Variants in WDR41 observed in about 807,000 individuals in gnomAD.
The protein encoded by WDR41 is WD repeat domain 41, also known as WD repeat-containing protein 41.
A neutral mutation model predicts 69.3 loss-of-function variants in WDR41; 63 were observed. That is an observed-to-expected ratio of 0.91 (90% CI 0.74 to 1.12). WDR41 has a LOEUF of 1.12. Among genes scored for constraint, WDR41 ranks in the 50% most tolerant of loss-of-function variants. The pLI, the probability that WDR41 is intolerant of heterozygous loss-of-function variation, is 0.00. For missense variants in WDR41, 543 were observed against 534.5 expected, an observed-to-expected ratio of 1.02 and a Z score of -0.16; for synonymous variants, 185 against 192.1, an observed-to-expected ratio of 0.96 and a Z score of 0.31.
intron 1 of WDR41, among the ~76,000 whole-genome samples, chr5:77,533,245 T>C (rs547154328): frequency 6.6e-6 from 1 of 152,294 alleles, no homozygotes; most frequent in South Asian, 2.1e-4. Context: ...TTTGCAACAT[T>C]TGTTTATTTA....
At chr5:77,609,830 AAGAAGG>A (rs1331723268) in intron 1 of WDR41, among the ~76,000 whole-genome samples, 1 of 152,262 alleles carries the variant, frequency 6.6e-6, no homozygotes, top group Admixed American at 6.5e-5. Flanking sequence ...GAGTTGAGAG[AAGAAGG>A]CTTCAGACAA....
At chr5:77,617,795 A>G (rs1048556818) in intron 1 of WDR41, among the ~76,000 whole-genome samples, 3 of 152,182 alleles carry the variant, frequency 2.0e-5, no homozygotes, top group African/African-American at 7.2e-5. Flanking sequence ...TTTTAGAAAA[A>G]ATAAACAAAG....
At chr5:77,596,827 G>A (rs1744236005) in intron 1 of WDR41, among the ~76,000 whole-genome samples, 1 of 152,072 alleles carries the variant, frequency 6.6e-6, no homozygotes, top group Admixed American at 6.6e-5. Context: ...TTATGAAAAT[G>A]GTTTTAGCCA....
rs144057313 is a variant in WDR41 at position 77,503,190 on chromosome 5, CAAAAAAAA to C, written c.43-13626_43-13619del. ...GAAGATCTACCAAGCAAATGGAAAG[CAAAAAAAA>C]AAAAAAAAAAAAGCAGGAGTTGCCA... On this transcript the variant is annotated intron_variant, in intron 1 of 5. Transcript: ENST00000509971. Among the ~76,000 whole-genome samples, 5 of 74,326 alleles carry C rather than the reference CAAAAAAAA, an allele frequency of 6.7e-5. No homozygotes were observed. In the South Asian group the frequency reaches 2.9e-3, roughly 43 times the overall value. The allele number at this position is 74,326 out of a possible 152,430, so 48.8% of individuals were successfully genotyped here. A position where few individuals can be genotyped will look rare whatever the true frequency, so the allele number is the denominator to read the frequency against.
At chr5:77,513,294 T>C (rs1802237557) in intron 1 of WDR41, among the ~76,000 whole-genome samples, 1 of 152,198 alleles carries the variant, frequency 6.6e-6, no homozygotes, top group African/African-American at 2.4e-5. Context: ...CACCTGCCAA[T>C]GAAACTTGAA....
intron 1 of WDR41, among the ~76,000 whole-genome samples, chr5:77,516,735 C>T (rs1308635161): frequency 6.6e-6 from 1 of 152,118 alleles, no homozygotes; most frequent in Admixed American, 6.6e-5. Context: ...AGAATGTTTT[C>T]CAGCTGGGTG....
At chr5:77,536,602 T>C (rs1487413382) in intron 1 of WDR41, among the ~76,000 whole-genome samples, 2 of 152,178 alleles carry the variant, frequency 1.3e-5, no homozygotes, top group Non-Finnish European at 2.9e-5. Context: ...ACCACATATA[T>C]GATGTTGATC....
Position 77,449,807 on chromosome 5 carries a change from C to G in WDR41, c.650G>C (p.Arg217Pro). The G allele has an allele frequency of 2.5e-6, 4 of 1,613,646 alleles. No individual in the cohort carries two copies. The highest frequency in any genetic ancestry group is 3.4e-6 in the Non-Finnish European group (4 of 1,179,682). The change falls in exon 8 of 13, where the codon CGC becomes CCC. Residue 217 changes from arginine (R) to proline (P), a missense_variant. By Grantham distance (103) the Arg-to-Pro change is moderately radical. Transcript: ENST00000296679. Reference sequence around the variant, plus strand: ...AATATTATCCTGGTGATCAAGGAGGCGCTTAACTTCAAGAATATCCCATTC... The same window carrying G: ...AATATTATCCTGGTGATCAAGGAGGGGCTTAACTTCAAGAATATCCCATTC... ...SLEWDILEVK[R>P]LLDHQDNILS...
At chr5:77,442,361 TAAC>T (rs989563231) in intron 8 of WDR41, among the ~76,000 whole-genome samples, 57 of 152,262 alleles carry the variant, frequency 3.7e-4, no homozygotes, top group African/African-American at 1.3e-3. Flanking sequence ...AAAGTATGCT[TAAC>T]AATATAAACT....
intron 1 of WDR41, among the ~76,000 whole-genome samples, chr5:77,516,514 T>C (rs773982318): frequency 6.6e-6 from 1 of 152,144 alleles, no homozygotes; most frequent in Non-Finnish European, 1.5e-5. Context: ...ATAATAGAAG[T>C]TGGTTTCTCC....
chr5:77,610,151 A>G (rs200578776), intron 1 of WDR41, among the ~76,000 whole-genome samples: 16,630 of 152,160 alleles, frequency 0.11, 865 homozygotes, highest in East Asian at 0.16. Flanking sequence ...GAAATATGGG[A>G]CTATGTGAAA....
chr5:77,518,512 T>A (rs1184935826), intron 1 of WDR41, among the ~76,000 whole-genome samples: 1 of 152,146 alleles, frequency 6.6e-6, no homozygotes, highest in Non-Finnish European at 1.5e-5. Context: ...TGTGATGTCC[T>A]TAAAAGCCCC....
intron 1 of WDR41, among the ~76,000 whole-genome samples, chr5:77,567,941 G>GA (rs577246122): frequency 0.01 from 1,477 of 142,016 alleles, 21 homozygotes; most frequent in African/African-American, 0.025. Flanking sequence ...CCTAGGGAAT[G>GA]AAAAAAAAAA....
At chr5:77,617,193 A>T (rs1480339532) in intron 1 of WDR41, among the ~76,000 whole-genome samples, 1 of 152,198 alleles carries the variant, frequency 6.6e-6, no homozygotes, top group Non-Finnish European at 1.5e-5. Flanking sequence ...GAGCACTGAA[A>T]ATGTGGCTAT....
At chr5:77,580,408 G>A (rs1743914513) in intron 1 of WDR41, among the ~76,000 whole-genome samples, 1 of 152,082 alleles carries the variant, frequency 6.6e-6, no homozygotes. Context: ...AACAGCATGG[G>A]AGAAACTGCC....
intron 1 of WDR41, among the ~76,000 whole-genome samples, chr5:77,597,314 A>T (rs2112317856): frequency 6.6e-6 from 1 of 152,286 alleles, no homozygotes; most frequent in Admixed American, 6.5e-5. Flanking sequence ...CTTTAAAAAC[A>T]ATCCAGAAAA....
At chr5:77,445,513 C>T (rs1351540272) in intron 8 of WDR41, among the ~76,000 whole-genome samples, 1 of 152,102 alleles carries the variant, frequency 6.6e-6, no homozygotes, top group South Asian at 2.1e-4. Flanking sequence ...AACATCGATG[C>T]GAAAATCCTC....
At chr5:77,536,032 A>G (rs564254355) in intron 1 of WDR41, among the ~76,000 whole-genome samples, 1 of 152,306 alleles carries the variant, frequency 6.6e-6, no homozygotes, top group East Asian at 1.9e-4. Context: ...AGAAAATTGA[A>G]GGTGATTGGT....
intron 8 of WDR41, among the ~76,000 whole-genome samples, chr5:77,447,118 G>A (rs1486690848): frequency 6.6e-6 from 1 of 151,944 alleles, no homozygotes; most frequent in Non-Finnish European, 1.5e-5. Flanking sequence ...AATATGAACA[G>A]GCACTTCTCA....
Sources: gnomAD v4.1 joint callset for allele counts (sites outside exome capture counted in the v4.1 genomes callset) on GRCh38, gnomAD v4.1.1 for gene constraint, MANE v1.5 for transcripts, NCBI Gene and HGNC (gene_info 2026-07-23, HGNC 2026-07-21) for gene names.